The following RBFOX2 variants were observed in gnomAD, a reference collection of about 807,000 sequenced individuals.
RBFOX2 encodes the protein RNA binding protein fox-1 homolog 2.
In RBFOX2, 10 loss-of-function variants were observed where a neutral mutation model predicts 49.1. The ratio of observed to expected loss-of-function variants is 0.20; its 90% CI spans 0.13 to 0.35. The LOEUF (loss-of-function observed/expected upper bound fraction) is 0.35, where lower values mean the gene tolerates loss of function less well. Among genes scored for constraint, RBFOX2 ranks in the 10% least tolerant of loss-of-function variants. The pLI is 1.00. For synonymous variants in RBFOX2, 183 were observed against 187.4 expected, an observed-to-expected ratio of 0.98 and a Z score of 0.19; for missense variants, 323 against 486.9, an observed-to-expected ratio of 0.66 and a Z score of 3.17.
At chr22:35,865,261 C>A (rs1245722955) in intron 1 of RBFOX2, among the ~76,000 whole-genome samples, 1 of 151,986 alleles carries the variant, frequency 6.6e-6, no homozygotes, top group Non-Finnish European at 1.5e-5. Context: ...AGGATTAAAC[C>A]CTAAATCCTA....
At chr22:35,755,966 TA>T (rs1936779377) in intron 9 of RBFOX2, 138 bp downstream of exon 11, 1 of 364,340 alleles carries the variant, frequency 2.7e-6, no homozygotes, top group Admixed American at 5.0e-5. Context: ...AATATATATA[TA>T]TATATATCCA....
intron 1 of RBFOX2, among the ~76,000 whole-genome samples, chr22:35,854,615 G>A (rs1398270543): frequency 2.0e-4 from 31 of 151,452 alleles, no homozygotes; most frequent in Admixed American, 2.0e-3. Flanking sequence ...AAAGACTAGA[G>A]GATATACACA....
intron 1 of RBFOX2, among the ~76,000 whole-genome samples, chr22:35,978,030 G>A (rs1315644670): frequency 6.6e-6 from 1 of 151,960 alleles, no homozygotes; most frequent in Non-Finnish European, 1.5e-5. Context: ...ATGGGCCAAA[G>A]GAGCCCATTG....
At chr22:35,802,894 A>T (rs1950037400) in intron 2 of RBFOX2, among the ~76,000 whole-genome samples, 1 of 152,194 alleles carries the variant, frequency 6.6e-6, no homozygotes, top group Non-Finnish European at 1.5e-5. Context: ...CAGGCTTAAG[A>T]ACTGGCTGAA....
chr22:35,903,570 A>G (rs1382967696), intron 1 of RBFOX2, among the ~76,000 whole-genome samples: 3 of 152,182 alleles, frequency 2.0e-5, no homozygotes, highest in African/African-American at 7.2e-5. Flanking sequence ...CCCATGCTCC[A>G]ATATGACTAC....
chr22:35,951,418 T>C (rs1381476115), intron 1 of RBFOX2, among the ~76,000 whole-genome samples: 1 of 151,864 alleles, frequency 6.6e-6, no homozygotes, highest in Admixed American at 6.6e-5. Context: ...GCTAATTCTG[T>C]ATTTTTAGTA....
At chr22:35,787,397 A>T (rs1247305203) in intron 2 of RBFOX2, among the ~76,000 whole-genome samples, 1 of 152,200 alleles carries the variant, frequency 6.6e-6, no homozygotes, top group Non-Finnish European at 1.5e-5. Flanking sequence ...GGGAAAGGAA[A>T]GGGAGAGAAA....
At chr22:35,753,973 G>T (rs575530438) in intron 9 of RBFOX2, among the ~76,000 whole-genome samples, 164 of 151,218 alleles carry the variant, frequency 1.1e-3, no homozygotes, top group Non-Finnish European at 2.1e-3. Context: ...AGTAGAGATG[G>T]GGTTTCGCCA....
At chr22:35,831,443 T>A (rs79758122) in intron 1 of RBFOX2, among the ~76,000 whole-genome samples, 9,061 of 151,642 alleles carry the variant, frequency 0.06, 341 homozygotes, top group Non-Finnish European at 0.086. Flanking sequence ...AAAAAAAAAA[T>A]AATAATAAAT....
chr22:35,828,528 A>G (rs536438241), intron 1 of RBFOX2, among the ~76,000 whole-genome samples: 3 of 152,322 alleles, frequency 2.0e-5, no homozygotes, highest in East Asian at 3.9e-4. Context: ...TGCCACATCT[A>G]TGTGTGAAAC....
chr22:35,978,610 T>G (rs1265440448), intron 1 of RBFOX2, among the ~76,000 whole-genome samples: 1 of 152,190 alleles, frequency 6.6e-6, no homozygotes, highest in Admixed American at 6.5e-5. Context: ...AAATGTCCCA[T>G]GAATGATGGG....
intron 1 of RBFOX2, among the ~76,000 whole-genome samples, chr22:35,816,291 A>T (rs555786236): frequency 1.2e-3 from 187 of 152,272 alleles, no homozygotes; most frequent in African/African-American, 4.3e-3. Context: ...AAGTCTAAAG[A>T]CAACCAAGCT....
At chr22:35,988,634 T>C (rs2057829083) in intron 1 of RBFOX2, among the ~76,000 whole-genome samples, 1 of 152,070 alleles carries the variant, frequency 6.6e-6, no homozygotes, top group Non-Finnish European at 1.5e-5. Context: ...CTGCATGGTA[T>C]ATGCATGAGC....
At chr22:36,021,691 A>G (rs1350000558) in intron 1 of RBFOX2, among the ~76,000 whole-genome samples, 1 of 152,262 alleles carries the variant, frequency 6.6e-6, no homozygotes, top group Non-Finnish European at 1.5e-5. Context: ...TCTCTTGAGT[A>G]AATGACTTCC....
intron 2 of RBFOX2, among the ~76,000 whole-genome samples, chr22:35,806,839 C>G (rs1365783607): frequency 2.0e-5 from 3 of 152,194 alleles, no homozygotes; most frequent in South Asian, 2.1e-4. Context: ...GAGTCTCACT[C>G]TGTGGGCCAG....
In RBFOX2 at chr22:35,929,370, T is replaced by C. The variant is rs563709570; in HGVS notation, c.-34+9477A>G. ...GAAATCTACCCAAGAGAAATTAAAG[T>C]ATGTCAACACACAGATTTGCAGGTA... On this transcript the variant is annotated intron_variant, in intron 1 of 13. Coordinates refer to the RBFOX2 transcript ENST00000359369. 1.2e-4 allele frequency among the ~76,000 whole-genome samples: 18 copies of C among 152,188 alleles called. No individual in the cohort carries two copies. The South Asian group carries it at 3.7e-3, about 32-fold the overall frequency.
At chr22:35,764,225 T>G (rs1005962927) in intron 6 of RBFOX2, among the ~76,000 whole-genome samples, 1 of 152,104 alleles carries the variant, frequency 6.6e-6, no homozygotes, top group Non-Finnish European at 1.5e-5. Flanking sequence ...ACGGATACAT[T>G]TCTCCTTGAT....
intron 1 of RBFOX2, among the ~76,000 whole-genome samples, chr22:35,929,425 C>T (rs2052081278): frequency 1.3e-5 from 2 of 152,018 alleles, no homozygotes; most frequent in South Asian, 2.1e-4. Context: ...TTCATAATAG[C>T]CAAGTTGGAA....
upstream of RBFOX2, among the ~76,000 whole-genome samples, chr22:35,940,437 A>C (rs965206998): frequency 1.6e-4 from 25 of 152,198 alleles, no homozygotes; most frequent in African/African-American, 5.8e-4. Context: ...AAAATGCCAG[A>C]CAACAATAAG....
Sources: gnomAD v4.1 joint callset for allele counts (sites outside exome capture counted in the v4.1 genomes callset) on GRCh38, gnomAD v4.1.1 for gene constraint, MANE v1.5 for transcripts, NCBI Gene and HGNC (gene_info 2026-07-23, HGNC 2026-07-21) for gene names.